Variants in CHST9 observed in about 807,000 individuals in gnomAD.
The protein encoded by CHST9 is GalNAc-4-sulfotransferase 2.
A neutral mutation model predicts 44.4 loss-of-function variants in CHST9; 41 were observed. The ratio of observed to expected loss-of-function variants is 0.92; its 90% confidence interval spans 0.72 to 1.20. The LOEUF (loss-of-function observed/expected upper bound fraction) is 1.20, where lower values mean the gene tolerates loss of function less well. Ranked by LOEUF, CHST9 falls within the 50% of genes most tolerant of loss-of-function variation. The pLI is 0.00. For synonymous variants in CHST9, 171 were observed against 178.4 expected (o/e 0.96, Z 0.33); for missense variants, 504 against 516.5 (o/e 0.98, Z 0.23).
intron 2 of CHST9, among the ~76,000 whole-genome samples, chr18:27,140,892 A>G (rs1433037643): frequency 6.6e-6 from 1 of 152,204 alleles, no homozygotes; most frequent in African/African-American, 2.4e-5. Flanking sequence ...ATATATTTTG[A>G]CAATATGTTA....
intron 2 of CHST9, among the ~76,000 whole-genome samples, chr18:27,050,557 T>G (rs765698014): frequency 1.2e-4 from 18 of 152,186 alleles, no homozygotes; most frequent in Non-Finnish European, 2.5e-4. Context: ...ATGTACAATC[T>G]TCCCTTATGT....
intron 2 of CHST9, among the ~76,000 whole-genome samples, chr18:27,070,990 C>A (rs1349650696): frequency 6.6e-6 from 1 of 152,160 alleles, no homozygotes; most frequent in African/African-American, 2.4e-5. Context: ...TCTCCGTGGG[C>A]CTAGTTCCCA....
At chr18:27,173,897 A>C (rs2058849786) in intron 1 of CHST9, among the ~76,000 whole-genome samples, 1 of 152,068 alleles carries the variant, frequency 6.6e-6, no homozygotes, top group Non-Finnish European at 1.5e-5. Context: ...AGATGTAAAA[A>C]TTATTAACAT....
At chr18:27,037,415 C>T (rs761369935) in intron 3 of CHST9, among the ~76,000 whole-genome samples, 23 of 152,170 alleles carry the variant, frequency 1.5e-4, no homozygotes, top group Non-Finnish European at 2.6e-4. Context: ...AATGCCTGGG[C>T]ATGGTGGCTC....
chr18:27,014,868 C>T (rs2057132056), intron 4 of CHST9, among the ~76,000 whole-genome samples: 4 of 151,864 alleles, frequency 2.6e-5, no homozygotes, highest in East Asian at 3.9e-4. Context: ...TTTTTGCTTT[C>T]CCAGTTTTTG....
At chr18:26,970,641 A>G (rs1786624) in intron 4 of CHST9, among the ~76,000 whole-genome samples, 97,327 of 151,570 alleles carry the variant, frequency 0.64, 31,640 homozygotes, top group African/African-American at 0.73. Context: ...TTGCCCAGGC[A>G]GGACTTGAGC....
intron 3 of CHST9, among the ~76,000 whole-genome samples, chr18:27,037,761 A>AT (rs1243667692): frequency 6.6e-6 from 1 of 152,072 alleles, no homozygotes; most frequent in Non-Finnish European, 1.5e-5. Context: ...CTGTTTGCTT[A>AT]TTTTTGCCAC....
At chr18:27,017,077 T>C (rs6508463) in intron 4 of CHST9, among the ~76,000 whole-genome samples, 15,765 of 152,212 alleles carry the variant, frequency 0.1, 1,669 homozygotes, top group African/African-American at 0.28. Context: ...GTTTTTCTAG[T>C]ACTTCAAGCC....
chr18:26,949,120 G>T (rs1431890744), intron 4 of CHST9, among the ~76,000 whole-genome samples: 1 of 152,156 alleles, frequency 6.6e-6, no homozygotes, highest in African/African-American at 2.4e-5. Flanking sequence ...GGTTGAAGGG[G>T]TAGTAGAGGT....
At chr18:27,071,109 G>A (rs2057834884) in intron 2 of CHST9, among the ~76,000 whole-genome samples, 1 of 152,080 alleles carries the variant, frequency 6.6e-6, no homozygotes, top group Admixed American at 6.5e-5. Context: ...CTTCCACCCT[G>A]GTGGCCTCTT....
chr18:27,111,358 G>C (rs2058269227), intron 2 of CHST9, among the ~76,000 whole-genome samples: 1 of 152,174 alleles, frequency 6.6e-6, no homozygotes, highest in African/African-American at 2.4e-5. Context: ...GCAAAAATGT[G>C]AAAGATTTAG....
At chr18:26,992,597 T>C (rs2056833282) in intron 4 of CHST9, among the ~76,000 whole-genome samples, 1 of 152,112 alleles carries the variant, frequency 6.6e-6, no homozygotes. Flanking sequence ...AGAACTGAAG[T>C]TATGATTGCT....
chr18:26,920,029 G>A (rs776911956), intron 5 of CHST9, among the ~76,000 whole-genome samples: 17 of 152,018 alleles, frequency 1.1e-4, no homozygotes, highest in Non-Finnish European at 2.2e-4. Context: ...TCCTCTTGTT[G>A]TCATCTACCT....
At chr18:27,043,941 C>T (rs887697183) in intron 3 of CHST9, among the ~76,000 whole-genome samples, 2 of 152,078 alleles carry the variant, frequency 1.3e-5, no homozygotes, top group Non-Finnish European at 2.9e-5. Flanking sequence ...AGCTTTCCCT[C>T]AATAGGCCAT....
At chr18:27,143,998 A>C (rs968012959) in intron 1 of CHST9, among the ~76,000 whole-genome samples, 7 of 152,230 alleles carry the variant, frequency 4.6e-5, no homozygotes, top group Non-Finnish European at 1.0e-4. Context: ...ACAAACAAAA[A>C]GAATCCCTGT....
At chr18:26,936,211 T>C (rs906825052) in intron 5 of CHST9, 1 of 152,190 alleles carries the variant, frequency 6.6e-6, no homozygotes, top group African/African-American at 2.4e-5. Context: ...AAAACATAAC[T>C]CTTTTATGTT....
intron 2 of CHST9, among the ~76,000 whole-genome samples, chr18:27,088,542 G>A (rs1396747313): frequency 6.6e-6 from 1 of 151,828 alleles, no homozygotes. Context: ...CTACAGGCAC[G>A]TGCCACCACA....
intron 2 of CHST9, among the ~76,000 whole-genome samples, chr18:27,124,064 C>T (rs1232639664): frequency 2.0e-5 from 3 of 152,210 alleles, no homozygotes; most frequent in Non-Finnish European, 1.5e-5. Context: ...GTGATTCATG[C>T]TGTAGTGCTA....
chr18:26,965,603 A>T (rs1432828596), intron 4 of CHST9, among the ~76,000 whole-genome samples: 1 of 152,218 alleles, frequency 6.6e-6, no homozygotes, highest in Middle Eastern at 3.2e-3. Flanking sequence ...CACTGATTGC[A>T]AATCAGAGAG....
Sources: gnomAD v4.1 joint callset for allele counts (sites outside exome capture counted in the v4.1 genomes callset) on GRCh38, gnomAD v4.1.1 for gene constraint, MANE v1.5 for transcripts, NCBI Gene and HGNC (gene_info 2026-07-23, HGNC 2026-07-21) for gene names.